Variants in LPIN2 observed in about 807,000 individuals in gnomAD.
LPIN2 encodes the protein phosphatidate phosphatase LPIN2.
LPIN2 carries 55 observed loss-of-function variants against 111.4 expected under a neutral mutation model. The observed-to-expected ratio is 0.49, with a 90% confidence interval of 0.40 to 0.62. The LOEUF (loss-of-function observed/expected upper bound fraction) is 0.62. Ranked by LOEUF, LPIN2 falls within the 20% of genes least tolerant of loss-of-function variation. LPIN2 has a pLI of 0.00. For synonymous variants in LPIN2, 425 were observed against 414.0 expected, an observed-to-expected ratio of 1.03 and a Z score of -0.32; for missense variants, 992 against 1,112.1, an observed-to-expected ratio of 0.89 and a Z score of 1.54.
At chr18:2,987,753 C>T (rs2078207095) in intron 1 of LPIN2, among the ~76,000 whole-genome samples, 1 of 152,154 alleles carries the variant, frequency 6.6e-6, no homozygotes, top group Admixed American at 6.5e-5. Flanking sequence ...CTGCCACCTT[C>T]TTCCATCTAT....
chr18:2,993,911 T>A (rs1159091891), intron 1 of LPIN2, among the ~76,000 whole-genome samples: 1 of 152,174 alleles, frequency 6.6e-6, no homozygotes, highest in Non-Finnish European at 1.5e-5. Context: ...GCTCTGAGGA[T>A]CCGATGGAAC....
chr18:2,923,646 G>C (rs985564473), intron 16 of LPIN2, 129 bp downstream of exon 16: 9 of 834,514 alleles, frequency 1.1e-5, no homozygotes, highest in Admixed American at 3.5e-5. Context: ...GGAAAGGAGT[G>C]AGGAAGAGCG....
chr18:3,012,511 A>C (rs1409695588), intron 1 of LPIN2, among the ~76,000 whole-genome samples: 1 of 152,182 alleles, frequency 6.6e-6, no homozygotes, highest in Non-Finnish European at 1.5e-5. Context: ...GCTTTGAGAA[A>C]ACTAACCACA....
At chr18:3,008,462 T>C (rs2078550041) in intron 1 of LPIN2, among the ~76,000 whole-genome samples, 1 of 152,186 alleles carries the variant, frequency 6.6e-6, no homozygotes, top group Non-Finnish European at 1.5e-5. Flanking sequence ...GAAGTTTAAA[T>C]CAATATTCTA....
At position 2,988,527 on chromosome 18, in the gene LPIN2, C is replaced by G. The variant is rs116679415; in HGVS notation, c.-10+24560G>C. 8.3e-3 allele frequency among the ~76,000 whole-genome samples: 1,268 copies of G among 152,322 alleles called. 24 individuals carry two copies. The highest frequency in any genetic ancestry group is 0.028 in the African/African-American group (1,179 of 41,568). On this transcript the variant is annotated intron_variant, in intron 1 of 19. Coordinates refer to ENST00000677752, the MANE Select transcript of LPIN2 (RefSeq NM_001375808.2). ...AGAGAAAACCTGAAACACTGATACT[C>G]AGCTTTATATGTAAGTTATATTCTA...
chr18:2,922,677 C>T (rs565756721), intron 16 of LPIN2, among the ~76,000 whole-genome samples: 3 of 152,310 alleles, frequency 2.0e-5, no homozygotes, highest in South Asian at 2.1e-4. Context: ...ATAGAGGTTT[C>T]ACCTTCCATG....
chr18:2,948,814 ATT>A (rs769701843), intron 4 of LPIN2, among the ~76,000 whole-genome samples: 7 of 144,596 alleles, frequency 4.8e-5, no homozygotes, highest in African/African-American at 2.5e-5. Context: ...ATTGTTTATA[ATT>A]TTTTTTTTTT....
At chr18:2,920,942 G>T in intron 18 of LPIN2, 61 bp from the exon 19 acceptor site, 1 of 1,138,272 alleles carries the variant, frequency 8.8e-7, no homozygotes, top group Non-Finnish European at 1.3e-6. Context: ...ATACTTCTCA[G>T]GCTCCTTGTG....
At chr18:3,008,774 G>A (rs762473864) in intron 1 of LPIN2, among the ~76,000 whole-genome samples, 8 of 152,036 alleles carry the variant, frequency 5.3e-5, no homozygotes, top group Admixed American at 2.0e-4. Context: ...CAGCAGTGGC[G>A]TGAACATGGC....
In LPIN2 at chr18:2,996,995, C is replaced by CTTTTTTT. The variant is rs56073904; in HGVS notation, c.-10+16091_-10+16092insAAAAAAA. On this transcript the variant is annotated intron_variant, in intron 1 of 19. Transcript: ENST00000677752. Reference sequence around the variant, plus strand: ...TTTGGAGGCTTGTATTTTTCTTTTTCTTTTGAGACAGAGTCTCACTCCCTC... The same window carrying CTTTTTTT: ...TTTGGAGGCTTGTATTTTTCTTTTTCTTTTTTTTTTTGAGACAGAGTCTCACTCCCTC... Among the ~76,000 whole-genome samples, 595 of 150,910 alleles carry CTTTTTTT rather than the reference C, an allele frequency of 3.9e-3. 6 individuals carry two copies. The highest frequency in any genetic ancestry group is 0.011 in the East Asian group (54 of 5,102).
intron 1 of LPIN2, among the ~76,000 whole-genome samples, chr18:2,969,113 A>C (rs1239611023): frequency 2.0e-5 from 3 of 152,258 alleles, no homozygotes; most frequent in Non-Finnish European, 4.4e-5. Flanking sequence ...GTTTGTGTAC[A>C]TGAAAATCAT....
intron 1 of LPIN2, among the ~76,000 whole-genome samples, chr18:3,012,373 C>CT (rs1253125039): frequency 6.6e-6 from 1 of 152,196 alleles, no homozygotes; most frequent in Non-Finnish European, 1.5e-5. Flanking sequence ...TGAAAAGAGT[C>CT]TTAAAATGTT....
In LPIN2 at chr18:2,984,811, A is replaced by G. The variant is rs182463697; in HGVS notation, c.-9-23962T>C. Reference sequence around the variant, plus strand: ...AGGTGCCAGGGAGAAGAAGCCCCCCAGTTTCTGGTTCAGTGCTTTTTTGTG... The same window carrying G: ...AGGTGCCAGGGAGAAGAAGCCCCCCGGTTTCTGGTTCAGTGCTTTTTTGTG... On this transcript the variant is annotated intron_variant, in intron 1 of 19. Coordinates refer to ENST00000677752, the MANE Select transcript of LPIN2 (RefSeq NM_001375808.2). Among the ~76,000 whole-genome samples, 16 of 152,130 alleles carry G rather than the reference A, an allele frequency of 1.1e-4. 1 individual carries two copies. The highest frequency in any genetic ancestry group is 2.0e-4 in the Admixed American group (3 of 15,270).
intron 4 of LPIN2, 146 bp from the exon 5 acceptor site, chr18:2,940,858 G>T: frequency 1.5e-6 from 1 of 668,708 alleles, no homozygotes. Context: ...GAAGGAGAAG[G>T]GGGGATACAC....
Position 2,917,745 on chromosome 18 carries a change from C to T in LPIN2, c.*2548G>A, listed in dbSNP as rs1010684715. On this transcript the variant is annotated 3_prime_UTR_variant, in exon 20 of 20. Transcript: ENST00000677752. ...GGGGCAGACAGCAACTCACACGGGACGAGCTTCAGCACACAGACAGCAAAG... is the reference window on the plus strand; with the variant it reads ...GGGGCAGACAGCAACTCACACGGGATGAGCTTCAGCACACAGACAGCAAAG... The T allele has an allele frequency of 2.6e-5, 4 of 152,308 alleles. No individual in the cohort carries two copies. Among genetic ancestry groups the T allele is most frequent in the Admixed American group, 6.5e-5 (1 of 15,270 alleles). The allele number at this position is 152,308 out of a possible 1,614,324, so 9.4% of individuals were successfully genotyped here.
intron 1 of LPIN2, among the ~76,000 whole-genome samples, chr18:2,989,580 G>T (rs1251275736): frequency 2.0e-5 from 3 of 150,884 alleles, no homozygotes; most frequent in Non-Finnish European, 4.4e-5. Context: ...TACTGAAAAA[G>T]AGCTAAGTTG....
chr18:2,996,254 A>C (rs1322329432), intron 1 of LPIN2, among the ~76,000 whole-genome samples: 22 of 151,578 alleles, frequency 1.5e-4, no homozygotes, highest in Admixed American at 1.4e-3. Context: ...GCAGGAGAAT[A>C]GCTTGAACCC....
At chr18:2,990,894 C>A (rs1415886145) in intron 1 of LPIN2, 1 of 539,944 alleles carries the variant, frequency 1.9e-6, no homozygotes, top group Non-Finnish European at 3.6e-6. Flanking sequence ...GGGTCCTCCT[C>A]ATCCTGGTAT....
intron 16 of LPIN2, among the ~76,000 whole-genome samples, chr18:2,922,995 A>C (rs960715506): frequency 1.3e-5 from 2 of 152,218 alleles, no homozygotes; most frequent in African/African-American, 4.8e-5. Context: ...TCTTCAGATC[A>C]ATGTAATATA....
Sources: allele counts gnomAD v4.1 joint callset (sites outside exome capture counted in the v4.1 genomes callset), GRCh38; gene constraint gnomAD v4.1.1; transcripts MANE v1.5; gene names NCBI Gene and HGNC (gene_info 2026-07-23, HGNC 2026-07-21).